The following ADK variants were observed in gnomAD, a reference collection of about 807,000 sequenced individuals.
The protein encoded by ADK is adenosine kinase.
Under a neutral mutation model 44.7 loss-of-function variants are expected in ADK, and 24 were observed. That is an observed-to-expected ratio of 0.54 (90% confidence interval 0.39 to 0.76). The LOEUF (loss-of-function observed/expected upper bound fraction) is 0.76, where lower values mean the gene tolerates loss of function less well. ADK is among the 30% of genes least tolerant of loss of function. ADK has a pLI of 0.00. For missense variants in ADK, 321 were observed against 425.1 expected (o/e 0.76, Z 2.15); for synonymous variants, 128 against 142.6 (o/e 0.90, Z 0.73).
intron 1 of ADK, among the ~76,000 whole-genome samples, chr10:74,174,776 C>T (rs1029119337): frequency 2.6e-5 from 4 of 152,234 alleles, no homozygotes; most frequent in African/African-American, 7.2e-5. Flanking sequence ...AGTGTTTTAA[C>T]AGCTTTTACT....
chr10:74,398,118 T>C lies in ADK; in HGVS notation c.447-353T>C, dbSNP rs547965970. ...AAGATATTTTTCTACTTAAAAAATGTTTTTAGTTGCATAGATTTCTTTTTA... is the reference window on the plus strand; with the variant it reads ...AAGATATTTTTCTACTTAAAAAATGCTTTTAGTTGCATAGATTTCTTTTTA... On this transcript the variant is annotated intron_variant, in intron 5 of 10. Transcript: ENST00000539909. 3.9e-5 allele frequency among the ~76,000 whole-genome samples: 6 copies of C among 152,272 alleles called. No homozygotes were observed. The South Asian group carries it at 1.2e-3, about 32-fold the overall frequency.
chr10:74,170,364 G>C (rs779016056), intron 1 of ADK, among the ~76,000 whole-genome samples: 1 of 151,988 alleles, frequency 6.6e-6, no homozygotes, highest in South Asian at 2.1e-4. Context: ...TATAAAATTA[G>C]CCCAATTTGT....
At chr10:74,575,636 G>A (rs769811886) in intron 7 of ADK, among the ~76,000 whole-genome samples, 5 of 152,162 alleles carry the variant, frequency 3.3e-5, no homozygotes, top group Non-Finnish European at 7.3e-5. Context: ...CACCTGGTAC[G>A]TATATAAGGG....
At chr10:74,260,220 G>T (rs765249784) in intron 3 of ADK, among the ~76,000 whole-genome samples, 3 of 152,112 alleles carry the variant, frequency 2.0e-5, no homozygotes, top group Admixed American at 6.5e-5. Flanking sequence ...AGTGCTTATT[G>T]TGGTTGTCTC....
At chr10:74,172,545 C>T (rs1404318998) in intron 1 of ADK, among the ~76,000 whole-genome samples, 4 of 151,940 alleles carry the variant, frequency 2.6e-5, no homozygotes, top group South Asian at 2.1e-4. Flanking sequence ...CAAAATCAGC[C>T]GGGTATGGTG....
intron 9 of ADK, among the ~76,000 whole-genome samples, chr10:74,610,466 A>G (rs930155015): frequency 1.3e-5 from 2 of 152,176 alleles, no homozygotes; most frequent in Non-Finnish European, 2.9e-5. Flanking sequence ...GTTTTGCAGG[A>G]TGAAAAAGTT....
At chr10:74,351,332 TCAATAGA>T (rs1841956733) in intron 4 of ADK, among the ~76,000 whole-genome samples, 1 of 152,178 alleles carries the variant, frequency 6.6e-6, no homozygotes, top group Middle Eastern at 3.2e-3. Context: ...TATGATTATC[TCAATAGA>T]TGCAGAGAAG....
intron 9 of ADK, among the ~76,000 whole-genome samples, chr10:74,602,802 A>G (rs1239581986): frequency 6.6e-6 from 1 of 152,244 alleles, no homozygotes; most frequent in African/African-American, 2.4e-5. Context: ...GGGATAAGCT[A>G]TTCAGTGCAC....
chr10:74,647,823 C>T (rs994557623), intron 9 of ADK, among the ~76,000 whole-genome samples: 1 of 151,950 alleles, frequency 6.6e-6, no homozygotes, highest in Admixed American at 6.6e-5. Context: ...TGAGGCAAAC[C>T]CTATGCATTT....
intron 6 of ADK, among the ~76,000 whole-genome samples, chr10:74,402,685 C>T (rs999339050): frequency 3.3e-5 from 5 of 152,092 alleles, no homozygotes; most frequent in African/African-American, 4.8e-5. Context: ...TAGATGGGTT[C>T]GAACATCCTC....
chr10:74,225,733 C>G (rs1844510317), intron 3 of ADK, among the ~76,000 whole-genome samples: 1 of 152,122 alleles, frequency 6.6e-6, no homozygotes, highest in Admixed American at 6.5e-5. Context: ...TTGGCCTATC[C>G]TTATTTGAGT....
At chr10:74,609,924 G>T (rs1264251166) in intron 9 of ADK, among the ~76,000 whole-genome samples, 1 of 152,042 alleles carries the variant, frequency 6.6e-6, no homozygotes. Flanking sequence ...TTCAGATTGA[G>T]TTTCCATCTA....
chr10:74,631,091 A>T (rs955531232), intron 9 of ADK, among the ~76,000 whole-genome samples: 3 of 151,958 alleles, frequency 2.0e-5, no homozygotes, highest in African/African-American at 7.3e-5. Context: ...ACATTCTGCG[A>T]CCACAAGATC....
At chr10:74,312,914 C>CAAAAAAAAAAAAAAAAAAAAA (rs56052959) in intron 3 of ADK, among the ~76,000 whole-genome samples, 1 of 37,820 alleles carries the variant, frequency 2.6e-5, no homozygotes, top group African/African-American at 9.8e-5. Context: ...ATTCTGTCTC[C>CAAAAAAAAAAAAAAAAAAAAA]AAAAAAAAAA....
At chr10:74,381,038 A>C (rs2132004691) in intron 4 of ADK, among the ~76,000 whole-genome samples, 1 of 152,296 alleles carries the variant, frequency 6.6e-6, no homozygotes, top group Non-Finnish European at 1.5e-5. Flanking sequence ...CAAATGCATG[A>C]ATTTCATGTG....
At chr10:74,371,033 T>C (rs1469486622) in intron 4 of ADK, among the ~76,000 whole-genome samples, 1 of 152,232 alleles carries the variant, frequency 6.6e-6, no homozygotes. Context: ...GATGTTTCCT[T>C]TTCAAACAAC....
chr10:74,270,440 C>T (rs2132406255), intron 3 of ADK, among the ~76,000 whole-genome samples: 1 of 152,296 alleles, frequency 6.6e-6, no homozygotes, highest in East Asian at 1.9e-4. Flanking sequence ...GGATTTTCAT[C>T]TGCTTCTGCC....
intron 6 of ADK, among the ~76,000 whole-genome samples, chr10:74,492,095 A>T (rs1450533105): frequency 1.3e-5 from 2 of 152,184 alleles, no homozygotes; most frequent in African/African-American, 2.4e-5. Context: ...TGCAAAAATA[A>T]TGCCTCTTTA....
intron 5 of ADK, among the ~76,000 whole-genome samples, chr10:74,396,652 A>G (rs776706239): frequency 2.5e-4 from 38 of 152,240 alleles, no homozygotes; most frequent in Admixed American, 1.4e-3. Flanking sequence ...TTGGGATAAT[A>G]AGAATACTCA....
Sources: gnomAD v4.1 joint callset for allele counts (sites outside exome capture counted in the v4.1 genomes callset) on GRCh38, gnomAD v4.1.1 for gene constraint, MANE v1.5 for transcripts, NCBI Gene and HGNC (gene_info 2026-07-23, HGNC 2026-07-21) for gene names.